FAM107A: variants seen among roughly 807,000 people sequenced by gnomAD.
The protein encoded by FAM107A is actin-associated protein FAM107A.
FAM107A carries 19 observed loss-of-function variants against 13.7 expected under a neutral mutation model. That is an observed-to-expected ratio of 1.38 (90% confidence interval 0.97 to 2.03). The LOEUF (loss-of-function observed/expected upper bound fraction) is 2.03. Among genes scored for constraint, FAM107A ranks in the 30% most tolerant of loss-of-function variants. The pLI is 0.00. For missense variants in FAM107A, 203 were observed against 184.4 expected, an observed-to-expected ratio of 1.10 and a Z score of -0.58; for synonymous variants, 82 against 74.5, an observed-to-expected ratio of 1.10 and a Z score of -0.52.
intron 1 of FAM107A, among the ~76,000 whole-genome samples, chr3:58,626,701 G>A (rs866530799): frequency 4.6e-5 from 7 of 152,164 alleles, no homozygotes; most frequent in Non-Finnish European, 8.8e-5. Flanking sequence ...CTTTTATTCA[G>A]GGAAGTAGAG....
chr3:58,613,267 A>G lies in FAM107A; in HGVS notation c.-70+14149T>C, dbSNP rs1176411067. On this transcript the variant is annotated intron_variant, in intron 1 of 3. Coordinates refer to the FAM107A transcript ENST00000465970. This position sits in a 1 kb window ranked among gnomAD's most constrained non-coding sequence, Gnocchi z 4.6. ...ATGAGGAAACTGAGGCTGAGAGATC[A>G]AGGAGGTGGCCAAGGTTACAGAGCT... 1.3e-5 allele frequency among the ~76,000 whole-genome samples: 2 copies of G among 152,216 alleles called. No individual in the cohort carries two copies. Among genetic ancestry groups the G allele is most frequent in the Non-Finnish European group, 2.9e-5 (2 of 68,038 alleles).
At chr3:58,615,291 T>C (rs981291027) in intron 1 of FAM107A, among the ~76,000 whole-genome samples, 1 of 152,266 alleles carries the variant, frequency 6.6e-6, no homozygotes, top group Non-Finnish European at 1.5e-5. Context: ...ATTGTTTCTG[T>C]TGTTCTTTTA....
At chr3:58,614,179 GATGTGGCT>G (rs1254703679) in intron 1 of FAM107A, among the ~76,000 whole-genome samples, 1 of 152,248 alleles carries the variant, frequency 6.6e-6, no homozygotes, top group Non-Finnish European at 1.5e-5. Flanking sequence ...GTGTCAGTGG[GATGTGGCT>G]AAAAAGAATT....
intron 1 of FAM107A, among the ~76,000 whole-genome samples, chr3:58,624,843 A>G (rs1265493787): frequency 6.6e-6 from 1 of 152,160 alleles, no homozygotes; most frequent in Admixed American, 6.5e-5. Flanking sequence ...ACTACCAACT[A>G]TTTTTTGCCT....
At chr3:58,567,468 G>A in intron 2 of FAM107A, 104 bp from the exon 3 acceptor site, 1 of 1,297,816 alleles carries the variant, frequency 7.7e-7, no homozygotes, top group South Asian at 1.5e-5. Context: ...ATTATCTTGT[G>A]CAATCCTCCC....
chr3:58,619,408 C>G (rs926313895), intron 1 of FAM107A, among the ~76,000 whole-genome samples: 2 of 152,100 alleles, frequency 1.3e-5, no homozygotes, highest in Non-Finnish European at 2.9e-5. Context: ...AGTCCCTAAC[C>G]CCAGAACCAG....
At chr3:58,575,279 G>C (rs150588922) in intron 1 of FAM107A, among the ~76,000 whole-genome samples, 78 of 152,294 alleles carry the variant, frequency 5.1e-4, no homozygotes, top group African/African-American at 1.8e-3. Flanking sequence ...CCTCTATACA[G>C]CAAGGATAAC....
chr3:58,605,959 G>A (rs1309492066), intron 1 of FAM107A, among the ~76,000 whole-genome samples: 1 of 152,188 alleles, frequency 6.6e-6, no homozygotes, highest in Admixed American at 6.5e-5. Context: ...TATCACCAAG[G>A]CAGCAGCATT....
intron 1 of FAM107A, among the ~76,000 whole-genome samples, chr3:58,626,138 C>T (rs1282485733): frequency 6.6e-6 from 1 of 152,082 alleles, no homozygotes; most frequent in African/African-American, 2.4e-5. Flanking sequence ...AGTACCGGGT[C>T]GTTGTGGTTG....
upstream of FAM107A, among the ~76,000 whole-genome samples, chr3:58,590,499 T>C (rs765254595): frequency 6.6e-5 from 10 of 152,370 alleles, no homozygotes; most frequent in Non-Finnish European, 1.3e-4. Context: ...GCTATAAAGA[T>C]ACTACCTGAG....
Position 58,569,676 on chromosome 3 carries a change from G to C in FAM107A, c.170+15C>G, listed in dbSNP as rs1387263421. Reference sequence around the variant, plus strand: ...AGGTGCTTGCGGGGCCCAGGCAGCAGGGCTTCATCCCTACCTTCTGTGGTT... The same window carrying C: ...AGGTGCTTGCGGGGCCCAGGCAGCACGGCTTCATCCCTACCTTCTGTGGTT... On this transcript the variant is annotated intron_variant, in intron 2 of 3. Transcript: ENST00000360997. This position sits in a 1 kb window ranked among gnomAD's most constrained non-coding sequence, Gnocchi z 5.7. The C allele has an allele frequency of 6.2e-7, 1 of 1,604,560 alleles. No homozygotes were observed. Among genetic ancestry groups the C allele is most frequent in the South Asian group, 1.1e-5 (1 of 90,086 alleles).
intron 1 of FAM107A, chr3:58,570,214 G>T: frequency 3.4e-6 from 1 of 297,016 alleles, no homozygotes; most frequent in Non-Finnish European, 5.1e-6. Flanking sequence ...TTATGTTTGA[G>T]TTTCTGTTTT....
At chr3:58,590,415 A>G (rs547634166), upstream of FAM107A, among the ~76,000 whole-genome samples, 8 of 152,122 alleles carry the variant, frequency 5.3e-5, no homozygotes, top group Non-Finnish European at 1.2e-4. Flanking sequence ...CCATGCCACC[A>G]CCTTAGCCTG....
At chr3:58,589,841 T>C (rs2065641388), upstream of FAM107A, among the ~76,000 whole-genome samples, 1 of 152,228 alleles carries the variant, frequency 6.6e-6, no homozygotes, top group South Asian at 2.1e-4. Context: ...TTGTTTTGGA[T>C]GACTCGCACA....
upstream of FAM107A, among the ~76,000 whole-genome samples, chr3:58,579,485 C>T (rs192338663): frequency 1.6e-4 from 24 of 152,304 alleles, no homozygotes; most frequent in East Asian, 4.6e-3. Flanking sequence ...CTCAGCCTCC[C>T]ACCCTGCTCT....
At chr3:58,599,923 G>A (rs1183792878) in intron 1 of FAM107A, among the ~76,000 whole-genome samples, 1 of 151,480 alleles carries the variant, frequency 6.6e-6, no homozygotes, top group African/African-American at 2.4e-5. Context: ...TGATCCTCCC[G>A]CCTCAGCCTC....
chr3:58,586,805 CAG>C, intron 1 of FAM107A: 1 of 1,498,908 alleles, frequency 6.7e-7, no homozygotes, highest in Non-Finnish European at 8.9e-7. Context: ...CCGTGCACCA[CAG>C]AGCCCTCCTC....
chr3:58,571,886 C>T (rs2063687600), intron 1 of FAM107A, among the ~76,000 whole-genome samples: 1 of 152,192 alleles, frequency 6.6e-6, no homozygotes, highest in Non-Finnish European at 1.5e-5. Flanking sequence ...TCCAGAGCTG[C>T]TTGCTTTTCA....
At chr3:58,626,190 TAA>T (rs2066014402) in intron 1 of FAM107A, among the ~76,000 whole-genome samples, 1 of 149,636 alleles carries the variant, frequency 6.7e-6, no homozygotes, top group African/African-American at 2.4e-5. Context: ...AGCTGGTGAG[TAA>T]ATGCAGGCCC....
Sources: allele counts gnomAD v4.1 joint callset (sites outside exome capture counted in the v4.1 genomes callset), GRCh38; gene constraint gnomAD v4.1.1; non-coding constraint Gnocchi (gnomAD v3.1); transcripts MANE v1.5; gene names NCBI Gene and HGNC (gene_info 2026-07-23, HGNC 2026-07-21).